MAMLD1: variants seen among roughly 807,000 people sequenced by gnomAD.
The protein encoded by MAMLD1 is mastermind-like domain-containing protein 1.
MAMLD1 carries 14 observed loss-of-function variants against 45.0 expected under a neutral mutation model. The ratio of observed to expected loss-of-function variants is 0.31; its 90% CI spans 0.21 to 0.49. The LOEUF (loss-of-function observed/expected upper bound fraction) is 0.49, where lower values mean the gene tolerates loss of function less well. MAMLD1 is among the 20% of genes least tolerant of loss of function. MAMLD1 has a pLI of 0.99. For missense variants in MAMLD1, 543 were observed against 603.6 expected (o/e 0.90, Z 1.05); for synonymous variants, 254 against 247.8 (o/e 1.02, Z -0.24).
At chrX:150,390,031 A>G (rs1462160484) in intron 1 of MAMLD1, among the ~76,000 whole-genome samples, 1 of 111,906 alleles carries the variant, frequency 8.9e-6, no homozygotes, top group African/African-American at 3.3e-5. Context: ...TTAGAGTAAT[A>G]GAATAGAGTT....
intron 1 of MAMLD1, among the ~76,000 whole-genome samples, chrX:150,386,131 C>T (rs1220700134): frequency 1.8e-5 from 2 of 110,592 alleles, no homozygotes; most frequent in Non-Finnish European, 3.8e-5. Context: ...TATCCACAAC[C>T]TCTTTCATGA....
rs56969373 is a variant in MAMLD1, at chrX:150,443,228, C to CT, written c.-63-2208dup. ...TTTTCAGCAATTATGTCTTTGAATA[C>CT]TTTTTTTTTTTTTTTTTTGGTCTCA... On this transcript the variant is annotated intron_variant, in intron 1 of 7. Transcript: ENST00000370401. Among the ~76,000 whole-genome samples, 868 of 83,831 alleles carry CT rather than the reference C, an allele frequency of 0.01. 29 individuals are homozygous for CT. In the East Asian group the frequency reaches 0.13, roughly 13 times the overall value. The allele number at this position is 83,831 out of a possible 115,157, so 72.8% of individuals were successfully genotyped here.
Position 150,471,248 on chromosome X carries a change from T to C in MAMLD1, c.1675T>C (p.Ser559Pro), listed in dbSNP as rs1055916923. The C allele has an allele frequency of 7.4e-6, 9 of 1,209,563 alleles. No individual in the cohort carries two copies. In the Admixed American group the frequency reaches 1.1e-4, roughly 15 times the overall value. Residue 559 changes from serine (S) to proline (P), a missense_variant, in exon 4 of 8, where the codon TCC becomes CCC. Physicochemically the swap from Ser to Pro is moderately conservative, Grantham distance 74. Coordinates refer to ENST00000370401, the MANE Select transcript of MAMLD1 (RefSeq NM_005491.5). Reference sequence around the variant, plus strand: ...TGAGCCGGGTCCCCAGAAGATGCCCTCCATGCCTACCACCTCTAGGCAGCC... The same window carrying C: ...TGAGCCGGGTCCCCAGAAGATGCCCCCCATGCCTACCACCTCTAGGCAGCC... ...VSEPGPQKMP[S>P]MPTTSRQPSL...
At chrX:150,409,478 C>T (rs1487991570) in intron 1 of MAMLD1, among the ~76,000 whole-genome samples, 1 of 111,020 alleles carries the variant, frequency 9.0e-6, no homozygotes, top group Non-Finnish European at 1.9e-5. Flanking sequence ...AACCCCTCAC[C>T]CCAGATAAGT....
chrX:150,388,624 T>G (rs1436280435), intron 1 of MAMLD1, among the ~76,000 whole-genome samples: 2 of 111,699 alleles, frequency 1.8e-5, no homozygotes, highest in African/African-American at 6.5e-5. Context: ...CTGTGTAGAG[T>G]TTTTGGTAAT....
chrX:150,491,696 T>C (rs1209029), intron 5 of MAMLD1, among the ~76,000 whole-genome samples: 10,991 of 111,592 alleles, frequency 0.098, 468 homozygotes, highest in Admixed American at 0.18. Context: ...TCTTTGCTCC[T>C]TGAGAAGCTG....
chrX:150,394,006 G>A (rs2033298962), intron 1 of MAMLD1, among the ~76,000 whole-genome samples: 1 of 109,952 alleles, frequency 9.1e-6, no homozygotes, highest in Admixed American at 9.7e-5. Flanking sequence ...TGCCACATCC[G>A]GGGTGATTTA....
intron 1 of MAMLD1, among the ~76,000 whole-genome samples, chrX:150,396,059 T>C (rs1360310641): frequency 9.2e-6 from 1 of 108,493 alleles, no homozygotes; most frequent in African/African-American, 3.4e-5. Context: ...CATAGCTCAC[T>C]GTAATCTCAA....
chrX:150,503,465 G>A lies in MAMLD1; in HGVS notation c.2232G>A (p.Pro744=), dbSNP rs781917415. 2 of 1,208,480 alleles carry A rather than the reference G, an allele frequency of 1.7e-6. No individual in the cohort carries two copies. The highest frequency in any genetic ancestry group is 1.7e-5 in the African/African-American group (1 of 57,799). ...SEAAPWGSWD[P]KAWRQVPAPL... is the part of the protein sequence containing the mutation. ...CAGCGCCCTGGGGCAGCTGGGATCC[G>A]AAGGCCTGGAGGCAGGTGCCCGCTC... Residue 744 remains proline, a synonymous_variant, in exon 6 of 8, where the codon CCG becomes CCA. Coordinates refer to ENST00000370401, the MANE Select transcript of MAMLD1 (RefSeq NM_005491.5).
rs1012520419 is a variant in MAMLD1 at position 150,513,812 on chromosome X, G to A, written c.*1853G>A. 8.1e-5 allele frequency: 24 copies of A among 295,808 alleles called. No homozygotes were observed. The highest frequency in any genetic ancestry group is 5.0e-4 in the African/African-American group (18 of 36,351). 24.4% of individuals were successfully genotyped at this position (295,808 alleles called of 1,213,427 possible). Reference sequence around the variant, plus strand: ...TCCTCCTCCCTTTACCATTCAGACCGAGAGAAAAAGCCCAGCTTGTGTGCA... The same window carrying A: ...TCCTCCTCCCTTTACCATTCAGACCAAGAGAAAAAGCCCAGCTTGTGTGCA... On this transcript the variant is annotated 3_prime_UTR_variant, in exon 8 of 8. Transcript: ENST00000370401.
chrX:150,512,812 C>T lies in MAMLD1; in HGVS notation c.*853C>T. The T allele has an allele frequency of 5.2e-6, 6 of 1,155,788 alleles. No individual in the cohort carries two copies. Among genetic ancestry groups the T allele is most frequent in the South Asian group, 1.9e-5 (1 of 52,735 alleles). On this transcript the variant is annotated 3_prime_UTR_variant, in exon 8 of 8. Transcript: ENST00000370401. Reference sequence around the variant, plus strand: ...CCAGCCAGTTCCCAGGTCCGTTCGACAGAACGGATATTCCCCCTGAGCTGC... The same window carrying T: ...CCAGCCAGTTCCCAGGTCCGTTCGATAGAACGGATATTCCCCCTGAGCTGC...
At chrX:150,511,392 A>G (rs2037893218) in intron 7 of MAMLD1, among the ~76,000 whole-genome samples, 1 of 111,828 alleles carries the variant, frequency 8.9e-6, no homozygotes, top group Non-Finnish European at 1.9e-5. Flanking sequence ...GCCTTCAGAA[A>G]GGAAACCCAT....
intron 3 of MAMLD1, 99 bp downstream of exon 3, chrX:150,462,945 G>A: frequency 1.6e-6 from 1 of 633,635 alleles, no homozygotes; most frequent in South Asian, 2.3e-5. Flanking sequence ...ACACCACAAG[G>A]TCCTTTAAGA....
At chrX:150,367,744 G>A (rs2031598276) in intron 1 of MAMLD1, among the ~76,000 whole-genome samples, 1 of 100,702 alleles carries the variant, frequency 9.9e-6, no homozygotes, top group Admixed American at 1.1e-4. Context: ...GGTGTGTGAT[G>A]TTCCCCTTCC....
chrX:150,417,772 AT>A lies in MAMLD1; in HGVS notation c.-63-27676del, dbSNP rs1206943524. On this transcript the variant is annotated intron_variant, in intron 1 of 7. Coordinates refer to ENST00000370401, the MANE Select transcript of MAMLD1 (RefSeq NM_005491.5). ...TCTCTGATGGCCAGTGATGATGAGC[AT>A]TTTTTCATGTGCTTTTTGGCTGCAT... 4.2e-4 allele frequency among the ~76,000 whole-genome samples: 46 copies of A among 109,525 alleles called. 1 individual carries two copies. The highest frequency in any genetic ancestry group is 6.1e-4 in the Non-Finnish European group (32 of 52,430).
At chrX:150,395,890 A>G (rs376577264) in intron 1 of MAMLD1, among the ~76,000 whole-genome samples, 10 of 110,081 alleles carry the variant, frequency 9.1e-5, no homozygotes, top group Admixed American at 1.9e-4. Flanking sequence ...TTTGGTTTCA[A>G]TGATTTTTCT....
chrX:150,401,768 A>T (rs1428476742), intron 1 of MAMLD1, among the ~76,000 whole-genome samples: 1 of 111,599 alleles, frequency 9.0e-6, no homozygotes, highest in African/African-American at 3.3e-5. Context: ...ATAATGCTGC[A>T]TATCTACAAC....
chrX:150,466,563 G>A (rs2124637927), intron 3 of MAMLD1, among the ~76,000 whole-genome samples: 1 of 112,208 alleles, frequency 8.9e-6, no homozygotes, highest in South Asian at 3.7e-4. Context: ...GTCAGTGAGT[G>A]TACATGCCAG....
intron 7 of MAMLD1, among the ~76,000 whole-genome samples, chrX:150,510,367 C>T (rs1475547524): frequency 9.0e-6 from 1 of 111,687 alleles, no homozygotes; most frequent in Non-Finnish European, 1.9e-5. Flanking sequence ...GCCACACCCC[C>T]AGGGCTCTGA....
Sources: gnomAD v4.1 joint callset for allele counts (sites outside exome capture counted in the v4.1 genomes callset) on GRCh38, gnomAD v4.1.1 for gene constraint, MANE v1.5 for transcripts, NCBI Gene and HGNC (gene_info 2026-07-23, HGNC 2026-07-21) for gene names.